The following NAALADL2 variants were observed in gnomAD, a reference collection of about 807,000 sequenced individuals.
NAALADL2 encodes the protein inactive N-acetylated-alpha-linked acidic dipeptidase-like protein 2.
A neutral mutation model predicts 87.2 loss-of-function variants in NAALADL2; 76 were observed. The ratio of observed to expected loss-of-function variants is 0.87; its 90% CI spans 0.72 to 1.05. NAALADL2 has a LOEUF of 1.05. Ranked by LOEUF, NAALADL2 falls within the 50% of genes least tolerant of loss-of-function variation. NAALADL2 has a pLI of 0.00. For synonymous variants in NAALADL2, 354 were observed against 331.0 expected (o/e 1.07, Z -0.75); for missense variants, 1,089 against 945.8 (o/e 1.15, Z -1.99).
At chr3:174,661,129 T>G (rs1725462795) in intron 2 of NAALADL2, among the ~76,000 whole-genome samples, 1 of 152,168 alleles carries the variant, frequency 6.6e-6, no homozygotes, top group Admixed American at 6.6e-5. Context: ...GTTCATTTGT[T>G]TGTGATTGGA....
At chr3:174,560,859 T>C (rs1465493229) in intron 2 of NAALADL2, among the ~76,000 whole-genome samples, 1 of 152,160 alleles carries the variant, frequency 6.6e-6, no homozygotes, top group Non-Finnish European at 1.5e-5. Context: ...AAATCTCTCT[T>C]TGACCCTGTG....
chr3:174,537,308 T>C (rs1034628863), intron 1 of NAALADL2, among the ~76,000 whole-genome samples: 10 of 152,224 alleles, frequency 6.6e-5, no homozygotes, highest in Non-Finnish European at 2.9e-5. Context: ...CATATAATTA[T>C]ACTGTAAGAG....
At chr3:175,153,957 A>C (rs1045253790) in intron 2 of NAALADL2, among the ~76,000 whole-genome samples, 3 of 152,164 alleles carry the variant, frequency 2.0e-5, no homozygotes, top group Non-Finnish European at 2.9e-5. Context: ...TGAAACTGTA[A>C]AGCAATTAGA....
At chr3:175,326,789 C>G (rs997039344) in intron 5 of NAALADL2, among the ~76,000 whole-genome samples, 4 of 152,126 alleles carry the variant, frequency 2.6e-5, no homozygotes, top group African/African-American at 9.7e-5. Context: ...CGCGCCTGCT[C>G]TCATGATAAC....
chr3:175,453,942 G>A (rs1267960273), intron 6 of NAALADL2, among the ~76,000 whole-genome samples: 2 of 151,986 alleles, frequency 1.3e-5, no homozygotes, highest in Non-Finnish European at 2.9e-5. Context: ...ATACCTTCCG[G>A]AATAGCTGAA....
At chr3:175,675,747 A>G (rs565062679) in intron 11 of NAALADL2, 6 of 152,298 alleles carry the variant, frequency 3.9e-5, no homozygotes, top group African/African-American at 1.4e-4. Context: ...CAGCATGAAT[A>G]CTCATGACAG....
At chr3:174,943,632 A>G (rs1650102168) in intron 1 of NAALADL2, among the ~76,000 whole-genome samples, 1 of 152,146 alleles carries the variant, frequency 6.6e-6, no homozygotes, top group African/African-American at 2.4e-5. Context: ...TGGGGGCTCC[A>G]CCCCAAAGAG....
At chr3:175,499,275 C>T (rs1020284073) in intron 9 of NAALADL2, among the ~76,000 whole-genome samples, 8 of 152,052 alleles carry the variant, frequency 5.3e-5, no homozygotes, top group Non-Finnish European at 1.0e-4. Flanking sequence ...GATTAACATG[C>T]TACTAATAAA....
At chr3:175,113,302 G>A (rs912685278) in intron 2 of NAALADL2, among the ~76,000 whole-genome samples, 1 of 151,526 alleles carries the variant, frequency 6.6e-6, no homozygotes, top group Non-Finnish European at 1.5e-5. Context: ...TATGGTCAGT[G>A]AGGTATGTGC....
intron 5 of NAALADL2, among the ~76,000 whole-genome samples, chr3:175,347,133 G>A (rs1581519469): frequency 1.3e-5 from 2 of 152,056 alleles, no homozygotes. Flanking sequence ...ACCCGGAACC[G>A]GCACACTGGT....
At chr3:174,932,925 C>G (rs749922260) in intron 1 of NAALADL2, among the ~76,000 whole-genome samples, 8 of 152,112 alleles carry the variant, frequency 5.3e-5, no homozygotes, top group Non-Finnish European at 7.4e-5. Flanking sequence ...GGAGACCAGC[C>G]TGACCAACAT....
intron 11 of NAALADL2, among the ~76,000 whole-genome samples, chr3:175,628,609 C>CTATGTGTGTATA (rs10663163): frequency 1.5e-5 from 2 of 132,250 alleles, no homozygotes; most frequent in African/African-American, 5.8e-5. Flanking sequence ...AATAATCTCT[C>CTATGTGTGTATA]TCTCTATGTA....
intron 9 of NAALADL2, among the ~76,000 whole-genome samples, chr3:175,538,922 A>C (rs1711784527): frequency 6.6e-6 from 1 of 152,240 alleles, no homozygotes; most frequent in South Asian, 2.1e-4. Context: ...ATAGAATCAC[A>C]ATACAAAAAG....
chr3:175,121,118 A>G (rs887720388), intron 2 of NAALADL2, among the ~76,000 whole-genome samples: 37 of 151,890 alleles, frequency 2.4e-4, no homozygotes, highest in African/African-American at 8.7e-4. Flanking sequence ...TCTGATCCTG[A>G]CTGAAGACAA....
chr3:174,740,953 T>A (rs1049110387), intron 3 of NAALADL2, among the ~76,000 whole-genome samples: 1 of 151,790 alleles, frequency 6.6e-6, no homozygotes, highest in Non-Finnish European at 1.5e-5. Context: ...TATCTCAGAA[T>A]GTACTGTTTG....
chr3:174,662,797 A>G (rs979359036), intron 2 of NAALADL2, among the ~76,000 whole-genome samples: 32 of 152,304 alleles, frequency 2.1e-4, no homozygotes, highest in African/African-American at 7.0e-4. Flanking sequence ...TATGTTGGGT[A>G]TGCTCTGTGC....
chr3:174,482,541 T>G (rs2108332442), intron 1 of NAALADL2, among the ~76,000 whole-genome samples: 1 of 152,210 alleles, frequency 6.6e-6, no homozygotes, highest in African/African-American at 2.4e-5. Context: ...TATGAACATG[T>G]TCCTTATTGA....
chr3:174,835,396 A>G (rs1402699758), intron 3 of NAALADL2, among the ~76,000 whole-genome samples: 2 of 152,144 alleles, frequency 1.3e-5, no homozygotes, highest in African/African-American at 4.8e-5. Flanking sequence ...CTAAAACTAT[A>G]AATCTCTTAG....
At chr3:174,511,494 G>T (rs1257259607) in intron 1 of NAALADL2, among the ~76,000 whole-genome samples, 1 of 151,812 alleles carries the variant, frequency 6.6e-6, no homozygotes, top group Non-Finnish European at 1.5e-5. Flanking sequence ...CTTTTGGTTA[G>T]TGATTGCGTA....
Sources: allele counts gnomAD v4.1 joint callset (sites outside exome capture counted in the v4.1 genomes callset), GRCh38; gene constraint gnomAD v4.1.1; transcripts MANE v1.5; gene names NCBI Gene and HGNC (gene_info 2026-07-23, HGNC 2026-07-21).